CACNA1C: variants seen among roughly 807,000 people sequenced by gnomAD.
CACNA1C encodes calcium voltage-gated channel subunit alpha1 C, also known as voltage-dependent L-type calcium channel subunit alpha-1C.
In CACNA1C, 30 loss-of-function variants were observed where a neutral mutation model predicts 229.0. The ratio of observed to expected loss-of-function variants is 0.13; its 90% CI spans 0.10 to 0.18. CACNA1C has a LOEUF of 0.18. Ranked by LOEUF, CACNA1C falls within the 10% of genes least tolerant of loss-of-function variation. CACNA1C has a pLI of 1.00. For synonymous variants in CACNA1C, 1,114 were observed against 1,132.5 expected, an observed-to-expected ratio of 0.98 and a Z score of 0.33; for missense variants, 1,658 against 2,845.0, an observed-to-expected ratio of 0.58 and a Z score of 9.49.
intron 3 of CACNA1C, among the ~76,000 whole-genome samples, chr12:2,286,827 T>C (rs905229233): frequency 6.6e-6 from 1 of 152,244 alleles, no homozygotes; most frequent in Non-Finnish European, 1.5e-5. Context: ...GCAATGCTCA[T>C]AACAGGAGAA....
chr12:2,315,445 T>C (rs542839681), intron 3 of CACNA1C, among the ~76,000 whole-genome samples: 1 of 152,342 alleles, frequency 6.6e-6, no homozygotes, highest in East Asian at 1.9e-4. Context: ...TTTGTGTTTT[T>C]TCCCCTTCTA....
At chr12:2,128,983 C>T (rs2091308426) in intron 3 of CACNA1C, among the ~76,000 whole-genome samples, 1 of 152,208 alleles carries the variant, frequency 6.6e-6, no homozygotes, top group African/African-American at 2.4e-5. Context: ...GGTCTGTGTT[C>T]TTAGCCATTC....
chr12:2,517,399 G>A (rs894550769), intron 9 of CACNA1C, among the ~76,000 whole-genome samples: 7 of 152,216 alleles, frequency 4.6e-5, no homozygotes, highest in African/African-American at 1.2e-4. Context: ...AGCCCATCAC[G>A]ATGTTCCCTT....
chr12:2,055,229 G>C (rs1375967143), intron 1 of CACNA1C, among the ~76,000 whole-genome samples: 1 of 152,174 alleles, frequency 6.6e-6, no homozygotes, highest in Non-Finnish European at 1.5e-5. Context: ...CTAGTGAATG[G>C]TTTAGGAGGG....
At chr12:2,623,544 T>C (rs123269) in intron 29 of CACNA1C, among the ~76,000 whole-genome samples, 151,330 of 152,200 alleles carry the variant, frequency 0.99, 75,238 homozygotes, top group Middle Eastern at 1. Flanking sequence ...CCTCTGAGCT[T>C]CCAGAGCACC....
chr12:1,997,816 G>C (rs927051758), intron 1 of CACNA1C: 1 of 855,978 alleles, frequency 1.2e-6, no homozygotes, highest in Admixed American at 2.8e-5. Context: ...TCAAAACTGA[G>C]ATTTAATTCT....
intron 29 of CACNA1C, among the ~76,000 whole-genome samples, chr12:2,626,562 G>C (rs191247396): frequency 6.6e-6 from 1 of 152,146 alleles, no homozygotes; most frequent in Admixed American, 6.5e-5. Flanking sequence ...AGTTGCCTGT[G>C]TGCATGGCCA....
intron 3 of CACNA1C, among the ~76,000 whole-genome samples, chr12:2,435,248 C>T (rs1176805187): frequency 6.6e-6 from 1 of 152,264 alleles, no homozygotes; most frequent in African/African-American, 2.4e-5. Flanking sequence ...ACATCCTGAC[C>T]ACCAGCCCCA....
intron 1 of CACNA1C, among the ~76,000 whole-genome samples, chr12:2,097,352 T>C (rs1250224051): frequency 1.3e-5 from 2 of 152,018 alleles, no homozygotes; most frequent in Non-Finnish European, 2.9e-5. Context: ...TTCACCATGT[T>C]AGCCAGGATA....
At chr12:2,351,799 C>G (rs571139129) in intron 3 of CACNA1C, among the ~76,000 whole-genome samples, 62 of 152,168 alleles carry the variant, frequency 4.1e-4, no homozygotes, top group Non-Finnish European at 2.1e-4. Context: ...TTGGGCTGCC[C>G]CTTTCCCTAC....
At chr12:2,522,106 C>T (rs1469411161) in intron 9 of CACNA1C, among the ~76,000 whole-genome samples, 1 of 152,180 alleles carries the variant, frequency 6.6e-6, no homozygotes, top group East Asian at 1.9e-4. Context: ...CCTGCTCCTC[C>T]GTGGCCTCCT....
intron 1 of CACNA1C, among the ~76,000 whole-genome samples, chr12:1,994,367 C>T (rs895300028): frequency 1.3e-5 from 2 of 152,174 alleles, no homozygotes; most frequent in African/African-American, 4.8e-5. Context: ...TTTTATTTTA[C>T]CTCTATTTGA....
intron 9 of CACNA1C, among the ~76,000 whole-genome samples, chr12:2,538,136 A>T (rs954549730): frequency 3.9e-5 from 6 of 152,220 alleles, no homozygotes; most frequent in African/African-American, 1.4e-4. Context: ...TTATGGCTGC[A>T]GATCAAGGGC....
intron 1 of CACNA1C, among the ~76,000 whole-genome samples, chr12:2,021,986 T>A (rs2046546306): frequency 6.6e-6 from 1 of 152,230 alleles, no homozygotes. Flanking sequence ...ATTTATTGTG[T>A]TCAACACCTT....
intron 1 of CACNA1C, among the ~76,000 whole-genome samples, chr12:2,112,716 C>T (rs960045649): frequency 2.0e-5 from 3 of 152,158 alleles, no homozygotes; most frequent in Admixed American, 2.0e-4. Context: ...TGGGATCATG[C>T]AGGGGTGGTA....
intron 6 of CACNA1C, among the ~76,000 whole-genome samples, chr12:2,491,962 T>TTC (rs57394200): frequency 0.076 from 11,157 of 147,108 alleles, 415 homozygotes; most frequent in South Asian, 0.096. Flanking sequence ...TATAAGCAAA[T>TTC]TCTCTCTCTC....
chr12:2,484,713 C>T (rs2099690826), intron 5 of CACNA1C, among the ~76,000 whole-genome samples: 1 of 129,202 alleles, frequency 7.7e-6, no homozygotes. Context: ...ACCCCCCACC[C>T]CCAGCAGATG....
intron 29 of CACNA1C, chr12:2,613,181 C>G (rs1373067688): frequency 6.6e-6 from 1 of 152,216 alleles, no homozygotes; most frequent in East Asian, 1.9e-4. Flanking sequence ...AATATTCACT[C>G]ACACTTTGGA....
intron 14 of CACNA1C, among the ~76,000 whole-genome samples, chr12:2,582,106 C>A (rs1034425813): frequency 2.0e-5 from 3 of 151,406 alleles, no homozygotes; most frequent in African/African-American, 7.3e-5. Context: ...ACTGCACACT[C>A]TAGCCTAGGT....
Sources: allele counts gnomAD v4.1 joint callset (sites outside exome capture counted in the v4.1 genomes callset), GRCh38; gene constraint gnomAD v4.1.1; transcripts MANE v1.5; gene names NCBI Gene and HGNC (gene_info 2026-07-23, HGNC 2026-07-21).